NRXN1: variants seen among roughly 807,000 people sequenced by gnomAD.
The protein encoded by NRXN1 is neurexin-1.
Under a neutral mutation model 150.9 loss-of-function variants are expected in NRXN1, and 39 were observed. That is an observed-to-expected ratio of 0.26 (90% CI 0.20 to 0.34). The LOEUF (loss-of-function observed/expected upper bound fraction) is 0.34. Ranked by LOEUF, NRXN1 falls within the 10% of genes least tolerant of loss-of-function variation. The pLI is 1.00. For synonymous variants in NRXN1, 924 were observed against 757.0 expected, an observed-to-expected ratio of 1.22 and a Z score of -3.62; for missense variants, 1,815 against 1,949.9, an observed-to-expected ratio of 0.93 and a Z score of 1.30.
At chr2:50,917,042 G>A (rs1685307928) in intron 5 of NRXN1, 1 of 151,684 alleles carries the variant, frequency 6.6e-6, no homozygotes, top group Non-Finnish European at 1.5e-5. Context: ...GATATTTAAT[G>A]TCTGATATTA....
intron 21 of NRXN1, among the ~76,000 whole-genome samples, chr2:49,979,558 A>C (rs1432222583): frequency 6.6e-6 from 1 of 152,152 alleles, no homozygotes; most frequent in African/African-American, 2.4e-5. Context: ...TCTCATCTCT[A>C]TTTGCACTAC....
At chr2:50,713,913 A>T (rs1052756632) in intron 5 of NRXN1, among the ~76,000 whole-genome samples, 2 of 152,174 alleles carry the variant, frequency 1.3e-5, no homozygotes, top group African/African-American at 4.8e-5. Context: ...ATTATAACCC[A>T]GATGTACAGT....
chr2:50,133,187 C>G (rs942308456), intron 18 of NRXN1, among the ~76,000 whole-genome samples: 2 of 147,752 alleles, frequency 1.4e-5, no homozygotes, highest in Non-Finnish European at 3.0e-5. Context: ...ATGTAGCTGG[C>G]TTAGGCTTGA....
chr2:50,437,087 A>G (rs974228098), intron 17 of NRXN1, among the ~76,000 whole-genome samples: 1 of 152,182 alleles, frequency 6.6e-6, no homozygotes, highest in South Asian at 2.1e-4. Context: ...GAAACCACAC[A>G]AGCACACCTA....
intron 10 of NRXN1, among the ~76,000 whole-genome samples, chr2:50,536,647 G>C (rs1368276347): frequency 6.6e-6 from 1 of 152,028 alleles, no homozygotes; most frequent in Non-Finnish European, 1.5e-5. Context: ...CAGCTCTCTG[G>C]GTGATTAAAA....
At chr2:50,721,032 T>G (rs914702556) in intron 5 of NRXN1, among the ~76,000 whole-genome samples, 2 of 152,272 alleles carry the variant, frequency 1.3e-5, no homozygotes, top group African/African-American at 4.8e-5. Context: ...TCTTTGAACC[T>G]CAAAAATATG....
intron 17 of NRXN1, among the ~76,000 whole-genome samples, chr2:50,255,309 G>C (rs1045585834): frequency 6.6e-6 from 1 of 152,132 alleles, no homozygotes; most frequent in African/African-American, 2.4e-5. Flanking sequence ...AGAAAAGAAA[G>C]AGGTTCTCTA....
chr2:50,123,526 G>C (rs1704154768), intron 18 of NRXN1, among the ~76,000 whole-genome samples: 1 of 152,148 alleles, frequency 6.6e-6, no homozygotes, highest in Non-Finnish European at 1.5e-5. Flanking sequence ...GTACTCATTA[G>C]AAGGTTTTGA....
intron 19 of NRXN1, among the ~76,000 whole-genome samples, chr2:50,087,269 T>C (rs1303266374): frequency 6.6e-6 from 1 of 152,196 alleles, no homozygotes. Flanking sequence ...ATTTAGTATG[T>C]TACTTTTATG....
At chr2:50,053,116 T>G (rs1021740091) in intron 21 of NRXN1, among the ~76,000 whole-genome samples, 155 bp downstream of exon 21, 1 of 152,138 alleles carries the variant, frequency 6.6e-6, no homozygotes, top group Non-Finnish European at 1.5e-5. Flanking sequence ...CATTTCATAT[T>G]CAAACGGAAT....
Position 50,321,335 on chromosome 2 carries a change from C to T in NRXN1, c.3365-84365G>A, listed in dbSNP as rs1484630689. 2.6e-5 allele frequency among the ~76,000 whole-genome samples: 4 copies of T among 152,102 alleles called. No homozygotes were observed. The East Asian group carries it at 7.7e-4, about 29-fold the overall frequency. On this transcript the variant is annotated intron_variant, in intron 17 of 22. Transcript: ENST00000401669. ...TAAATCTAAGAAATCATAGAACTAA[C>T]AGGGATTATGTTGTTGAATGCAGTA... is the stretch of plus-strand genomic sequence containing the variant.
chr2:49,951,762 G>A (rs1429990141), intron 21 of NRXN1, among the ~76,000 whole-genome samples: 1 of 152,116 alleles, frequency 6.6e-6, no homozygotes, highest in East Asian at 1.9e-4. Flanking sequence ...GTTCTAAGCT[G>A]TATCAACATG....
chr2:51,006,155 C>T (rs1402285368), intron 2 of NRXN1, among the ~76,000 whole-genome samples: 5 of 151,622 alleles, frequency 3.3e-5, no homozygotes, highest in Admixed American at 1.3e-4. Flanking sequence ...AGTTGTCTCA[C>T]GTGGGTCCGC....
intron 18 of NRXN1, among the ~76,000 whole-genome samples, chr2:50,232,045 C>A (rs60408527): frequency 6.6e-6 from 1 of 152,090 alleles, no homozygotes; most frequent in African/African-American, 2.4e-5. Context: ...ACTGTCCACA[C>A]AAATACTATA....
intron 17 of NRXN1, among the ~76,000 whole-genome samples, chr2:50,339,445 A>C (rs578035940): frequency 5.6e-4 from 85 of 152,332 alleles, no homozygotes; most frequent in Non-Finnish European, 9.8e-4. Flanking sequence ...ACAAGATTCA[A>C]AGAAAGTTCA....
At chr2:50,980,194 T>C (rs1001638781) in intron 2 of NRXN1, among the ~76,000 whole-genome samples, 3 of 152,114 alleles carry the variant, frequency 2.0e-5, no homozygotes, top group African/African-American at 7.2e-5. Flanking sequence ...AACCTCCACC[T>C]CCTGGGTTCA....
intron 5 of NRXN1, among the ~76,000 whole-genome samples, chr2:50,754,952 T>C (rs1216084898): frequency 6.6e-6 from 1 of 151,916 alleles, no homozygotes; most frequent in African/African-American, 2.4e-5. Flanking sequence ...AACTTAATGA[T>C]TATCTGAAGT....
At position 51,028,184 on chromosome 2, in the gene NRXN1, C is replaced by A; in HGVS notation, c.90G>T (p.Gly30=). 1 of 1,507,604 alleles carries A rather than the reference C, an allele frequency of 6.6e-7. No homozygotes were observed. Among genetic ancestry groups the A allele is most frequent in the Admixed American group, 2.0e-5 (1 of 48,964 alleles). 93.4% of individuals were successfully genotyped at this position (1,507,604 alleles called of 1,614,324 possible). ...GGCCCTCGGCGCCCGGAAACTCCAG[C>A]CCGCTGCCCAGCTCCGCCCAGCAGC... The part of the protein sequence containing the change: ...LLGCWAELGS[G]LEFPGAEGQW... Residue 30 remains glycine, a synonymous_variant, in exon 2 of 23, where the codon GGG becomes GGT. Transcript: ENST00000401669.
chr2:50,736,343 G>A (rs1698745435), intron 5 of NRXN1, among the ~76,000 whole-genome samples: 1 of 152,160 alleles, frequency 6.6e-6, no homozygotes, highest in Non-Finnish European at 1.5e-5. Flanking sequence ...ACCTGCCTAA[G>A]GGAGTCTCAT....
Sources: gnomAD v4.1 joint callset for allele counts (sites outside exome capture counted in the v4.1 genomes callset) on GRCh38, gnomAD v4.1.1 for gene constraint, MANE v1.5 for transcripts, NCBI Gene and HGNC (gene_info 2026-07-23, HGNC 2026-07-21) for gene names.